The following AKT2 variants were observed in gnomAD, a reference collection of about 807,000 sequenced individuals.
The protein encoded by AKT2 is AKT serine/threonine kinase 2.
A neutral mutation model predicts 58.6 loss-of-function variants in AKT2; 16 were observed. That is an observed-to-expected ratio of 0.27 (90% CI 0.18 to 0.41). The LOEUF (loss-of-function observed/expected upper bound fraction) is 0.41, where lower values mean the gene tolerates loss of function less well. AKT2 is among the 10% of genes least tolerant of loss of function. The pLI is 1.00. For synonymous variants in AKT2, 253 were observed against 254.0 expected (o/e 1.00, Z 0.04); for missense variants, 438 against 661.0 (o/e 0.66, Z 3.70).
At chr19:40,236,218 T>C in intron 10 of AKT2, 39 bp downstream of exon 10, 1 of 1,613,400 alleles carries the variant, frequency 6.2e-7, no homozygotes, top group Non-Finnish European at 8.5e-7. Flanking sequence ...CCCCCTACCC[T>C]TGGCCTCACA....
intron 4 of AKT2, among the ~76,000 whole-genome samples, chr19:40,246,284 C>T (rs1974749179): frequency 6.6e-6 from 1 of 152,126 alleles, no homozygotes; most frequent in African/African-American, 2.4e-5. Flanking sequence ...CAGGCACCCG[C>T]CACCATAATT....
At chr19:40,263,463 T>C (rs1412997485) in intron 2 of AKT2, among the ~76,000 whole-genome samples, 2 of 152,190 alleles carry the variant, frequency 1.3e-5, no homozygotes, top group Non-Finnish European at 2.9e-5. Flanking sequence ...ACTTTATAGA[T>C]GTGAAACCAA....
chr19:40,260,037 C>T (rs1229705040), intron 2 of AKT2, among the ~76,000 whole-genome samples: 1 of 152,132 alleles, frequency 6.6e-6, no homozygotes, highest in East Asian at 1.9e-4. Context: ...CCTATAGTCC[C>T]AGTGCTTGGG....
In AKT2 at chr19:40,237,874, G is replaced by A. The variant is rs1599958258; in HGVS notation, c.831+95C>T. 1 of 1,556,796 alleles carries A rather than the reference G, an allele frequency of 6.4e-7. No individual in the cohort carries two copies. The highest frequency in any genetic ancestry group is 1.1e-5 in the South Asian group (1 of 87,516). On this transcript the variant is annotated intron_variant, in intron 9 of 13. Transcript: ENST00000392038. This position sits in a 1 kb window ranked among gnomAD's most constrained non-coding sequence, Gnocchi z 4.5. ...ACCCTGGACCTTGGTGGGGAGCCTG[G>A]CGAATGAGGGCAGAAGCTCAGCCCA... is the stretch of plus-strand genomic sequence containing the variant.
chr19:40,268,056 C>G (rs1163982616), intron 1 of AKT2, among the ~76,000 whole-genome samples: 1 of 152,108 alleles, frequency 6.6e-6, no homozygotes, highest in Non-Finnish European at 1.5e-5. Flanking sequence ...CAGGGGAGAA[C>G]ACCAAGGGCC....
intron 1 of AKT2, among the ~76,000 whole-genome samples, chr19:40,280,057 A>G (rs775588350): frequency 2.4e-4 from 36 of 152,150 alleles, no homozygotes; most frequent in Non-Finnish European, 4.4e-4. Flanking sequence ...TGCCTTCGTA[A>G]TATCAACCAC....
intron 1 of AKT2, chr19:40,279,759 G>A (rs2077391108): frequency 6.6e-6 from 1 of 152,214 alleles, no homozygotes; most frequent in Non-Finnish European, 1.5e-5. Flanking sequence ...GAGCTGTGGT[G>A]GGGGAATCTC....
intron 4 of AKT2, among the ~76,000 whole-genome samples, chr19:40,250,358 C>A (rs985657480): frequency 6.6e-6 from 1 of 151,942 alleles, no homozygotes; most frequent in Admixed American, 6.6e-5. Flanking sequence ...ACAAAATGAG[C>A]TAGGCATGGT....
intron 1 of AKT2, chr19:40,274,670 G>C: frequency 4.0e-6 from 1 of 247,872 alleles, no homozygotes; most frequent in Non-Finnish European, 8.2e-6. Context: ...AGCAAAACCG[G>C]AAGCAGGTGA....
At chr19:40,260,449 G>A (rs1975854581) in intron 2 of AKT2, among the ~76,000 whole-genome samples, 2 of 151,726 alleles carry the variant, frequency 1.3e-5, no homozygotes, top group Admixed American at 6.6e-5. Context: ...GGCCAATATG[G>A]TGAAACCCCA....
At chr19:40,262,346 G>A (rs1479123459) in intron 2 of AKT2, among the ~76,000 whole-genome samples, 1 of 152,118 alleles carries the variant, frequency 6.6e-6, no homozygotes, top group African/African-American at 2.4e-5. Context: ...GGTCCTATTA[G>A]TTTGCCCAAC....
At chr19:40,284,668 G>A (rs1362227321) in intron 1 of AKT2, 2 of 152,340 alleles carry the variant, frequency 1.3e-5, no homozygotes, top group Non-Finnish European at 2.9e-5. Context: ...ACAGTCCTCT[G>A]ATTTGGGTTC....
chr19:40,260,849 G>C (rs185016386), intron 2 of AKT2, among the ~76,000 whole-genome samples: 2 of 152,274 alleles, frequency 1.3e-5, no homozygotes, highest in East Asian at 3.9e-4. Context: ...TCTGGAGGCT[G>C]AGGCAGGAGG....
chr19:40,250,910 A>G (rs1403387850), intron 4 of AKT2, among the ~76,000 whole-genome samples: 1 of 152,150 alleles, frequency 6.6e-6, no homozygotes, highest in South Asian at 2.1e-4. Context: ...TTTTTCCATC[A>G]AGGACCAGAA....
At chr19:40,256,295 G>A (rs1332645341) in intron 3 of AKT2, among the ~76,000 whole-genome samples, 1 of 152,186 alleles carries the variant, frequency 6.6e-6, no homozygotes, top group Non-Finnish European at 1.5e-5. Flanking sequence ...CTGAGCTAAG[G>A]CACTGGCAGT....
chr19:40,239,160 C>T (rs146930685), intron 7 of AKT2, 187 bp from the exon 8 acceptor site: 21 of 586,664 alleles, frequency 3.6e-5, no homozygotes, highest in Non-Finnish European at 6.4e-5. Flanking sequence ...GAAGGCATGG[C>T]TCTGCGGTAG....
In AKT2 at chr19:40,285,296, A is replaced by AGCGGCG. The variant is rs1244137031; in HGVS notation, c.-206_-201dup. 1.5e-4 allele frequency: 60 copies of AGCGGCG among 394,812 alleles called. No individual in the cohort carries two copies. The highest frequency in any genetic ancestry group is 6.4e-4 in the Middle Eastern group (1 of 1,568). The allele number at this position is 394,812 out of a possible 1,614,324, so 24.5% of individuals were successfully genotyped here. A position where few individuals can be genotyped will look rare whatever the true frequency, so the allele number is the denominator to read the frequency against. On this transcript the variant is annotated 5_prime_UTR_variant, in exon 1 of 14. Coordinates refer to ENST00000392038, the MANE Select transcript of AKT2 (RefSeq NM_001626.6). ...CAGCGGCAACGGCGCCGGCAGCGGCAGCGGCGGCGGCGACGCCTCCTCCGA... is the reference window on the plus strand; with the variant it reads ...CAGCGGCAACGGCGCCGGCAGCGGCAGCGGCGGCGGCGGCGGCGACGCCTCCTCCGA...
intron 1 of AKT2, among the ~76,000 whole-genome samples, chr19:40,281,348 TA>T (rs2077420350): frequency 6.6e-6 from 1 of 152,032 alleles, no homozygotes; most frequent in Non-Finnish European, 1.5e-5. Flanking sequence ...AAAAATTAGC[TA>T]GGCATGGTGG....
rs769194987 is a variant in AKT2, at chr19:40,239,022, G to A, written c.640-49C>T. 6 of 1,585,114 alleles carry A rather than the reference G, an allele frequency of 3.8e-6. No individual in the cohort carries two copies. In the East Asian group the frequency reaches 6.7e-5, roughly 18 times the overall value. Reference sequence around the variant, plus strand: ...GGGAGGTGGGAGGGAGGAGGGCTCTGCTGAGCCATGCCAGGGCAGGGCCCT... The same window carrying A: ...GGGAGGTGGGAGGGAGGAGGGCTCTACTGAGCCATGCCAGGGCAGGGCCCT... On this transcript the variant is annotated intron_variant, in intron 7 of 13. Transcript: ENST00000392038.
Sources: gnomAD v4.1 joint callset for allele counts (sites outside exome capture counted in the v4.1 genomes callset) on GRCh38, gnomAD v4.1.1 for gene constraint, Gnocchi (gnomAD v3.1) non-coding constraint, MANE v1.5 for transcripts, NCBI Gene and HGNC (gene_info 2026-07-23, HGNC 2026-07-21) for gene names.